Variants in PTPRN2 observed in about 807,000 individuals in gnomAD.
PTPRN2 encodes receptor-type tyrosine-protein phosphatase N2.
A neutral mutation model predicts 118.8 loss-of-function variants in PTPRN2; 74 were observed. That is an observed-to-expected ratio of 0.62 (90% CI 0.52 to 0.76). The LOEUF is 0.76. Ranked by LOEUF, PTPRN2 falls within the 30% of genes least tolerant of loss-of-function variation. PTPRN2 has a pLI of 0.00. For synonymous variants in PTPRN2, 641 were observed against 608.0 expected (o/e 1.05, Z -0.80); for missense variants, 1,481 against 1,394.4 (o/e 1.06, Z -0.99).
intron 12 of PTPRN2, among the ~76,000 whole-genome samples, chr7:157,751,892 A>G (rs1185882551): frequency 1.3e-5 from 2 of 152,044 alleles, no homozygotes. Flanking sequence ...GACCACCGTG[A>G]ACACATCTCC....
chr7:157,853,118 A>G (rs914709433), intron 12 of PTPRN2, among the ~76,000 whole-genome samples: 1 of 152,040 alleles, frequency 6.6e-6, no homozygotes, highest in African/African-American at 2.4e-5. Flanking sequence ...TCTTTCTTGT[A>G]CTCACACGGA....
chr7:157,908,321 T>C (rs1024526479), intron 11 of PTPRN2, among the ~76,000 whole-genome samples: 2 of 152,262 alleles, frequency 1.3e-5, no homozygotes, highest in African/African-American at 4.8e-5. Context: ...GCCTGCATTC[T>C]GTGGAAGCCA....
At chr7:157,992,713 C>G (rs1373828340) in intron 11 of PTPRN2, among the ~76,000 whole-genome samples, 1 of 152,240 alleles carries the variant, frequency 6.6e-6, no homozygotes, top group African/African-American at 2.4e-5. Context: ...GGGGGTCACA[C>G]TCCACCAGGA....
rs142085972 is a variant in PTPRN2 at position 158,267,602 on chromosome 7, C to T, written c.277+49217G>A. Among the ~76,000 whole-genome samples the T allele has an allele frequency of 3.7e-4, 56 of 152,290 alleles. 1 individual carries two copies. The highest frequency in any genetic ancestry group is 1.2e-3 in the African/African-American group (49 of 41,568). On this transcript the variant is annotated intron_variant, in intron 3 of 22. Coordinates refer to ENST00000389418, the MANE Select transcript of PTPRN2 (RefSeq NM_002847.5). ...TGACTGAGCATCTGAGCGGGATCAC[C>T]GTGGCCTGGGGGCCTGCCCCTCGCC...
intron 14 of PTPRN2, among the ~76,000 whole-genome samples, chr7:157,653,847 CA>C (rs1326506642): frequency 6.8e-6 from 1 of 147,436 alleles, no homozygotes; most frequent in Non-Finnish European, 1.5e-5. Context: ...CCACTCCCCA[CA>C]CCCACCCCGA....
chr7:158,276,343 C>T (rs1392315580), intron 3 of PTPRN2, among the ~76,000 whole-genome samples: 4 of 52,168 alleles, frequency 7.7e-5, no homozygotes, highest in Admixed American at 2.0e-4. Flanking sequence ...CGCACCCCGG[C>T]CCCGACAGGC....
chr7:158,299,508 G>C (rs1157674207), intron 3 of PTPRN2, among the ~76,000 whole-genome samples: 1 of 152,144 alleles, frequency 6.6e-6, no homozygotes, highest in Non-Finnish European at 1.5e-5. Context: ...ATGTTGGCCA[G>C]GCTGGTCGTA....
In PTPRN2 at chr7:157,598,768, A is replaced by G. The variant is rs144214187; in HGVS notation, c.2419-3453T>C. On this transcript the variant is annotated intron_variant, in intron 16 of 22. Transcript: ENST00000389418. The surrounding 1 kb of genome is among the most constrained non-coding windows in gnomAD (Gnocchi z 5.2). Reference sequence around the variant, plus strand: ...CTGTCCTCAGTGAACCACAGAAGGAAGGAAGGATGCTGCTTCCTCAAGCAC... The same window carrying G: ...CTGTCCTCAGTGAACCACAGAAGGAGGGAAGGATGCTGCTTCCTCAAGCAC... Among the ~76,000 whole-genome samples the G allele has an allele frequency of 8.3e-3, 1,263 of 152,342 alleles. 17 individuals carry two copies. The highest frequency in any genetic ancestry group is 0.029 in the African/African-American group (1,205 of 41,578).
At chr7:158,294,506 T>C (rs1411382178) in intron 3 of PTPRN2, among the ~76,000 whole-genome samples, 2 of 152,186 alleles carry the variant, frequency 1.3e-5, no homozygotes, top group Non-Finnish European at 2.9e-5. Context: ...ATTTCTTCCA[T>C]CTACTCATTT....
At chr7:158,433,644 A>T (rs769376230) in intron 2 of PTPRN2, among the ~76,000 whole-genome samples, 1 of 152,206 alleles carries the variant, frequency 6.6e-6, no homozygotes, top group Non-Finnish European at 1.5e-5. Context: ...CTTTTAAAGA[A>T]GCAATGATTG....
rs1190549370 is a variant in PTPRN2 at position 157,627,290 on chromosome 7, G to A, written c.2197-5781C>T. On this transcript the variant is annotated intron_variant, in intron 14 of 22. Transcript: ENST00000389418. The surrounding 1 kb of genome is among the most constrained non-coding windows in gnomAD (Gnocchi z 4.2). ...GGCTCTCCGTCAGTGCCTCTGAGTT[G>A]AAGCTTTATGAAGAAAGCTCTAGAA... is the stretch of plus-strand genomic sequence containing the variant. Among the ~76,000 whole-genome samples, 2 of 152,232 alleles carry A rather than the reference G, an allele frequency of 1.3e-5. No homozygotes were observed. Among genetic ancestry groups the A allele is most frequent in the Non-Finnish European group, 2.9e-5 (2 of 68,044 alleles).
intron 1 of PTPRN2, among the ~76,000 whole-genome samples, chr7:158,584,149 A>G (rs1173285705): frequency 6.6e-6 from 1 of 152,190 alleles, no homozygotes; most frequent in Non-Finnish European, 1.5e-5. Context: ...GGATTCTCGA[A>G]GCAAAATCTG....
chr7:158,266,759 A>C (rs979330219), intron 3 of PTPRN2, among the ~76,000 whole-genome samples: 1 of 152,264 alleles, frequency 6.6e-6, no homozygotes. Context: ...GATTGAATTC[A>C]GTCTGATAAA....
At chr7:158,431,906 C>T (rs1329919704) in intron 2 of PTPRN2, among the ~76,000 whole-genome samples, 5 of 152,258 alleles carry the variant, frequency 3.3e-5, no homozygotes, top group South Asian at 2.1e-4. Flanking sequence ...GGGACCTGCT[C>T]GTCCCTCTCT....
At chr7:157,936,710 C>T (rs191976553) in intron 11 of PTPRN2, among the ~76,000 whole-genome samples, 1 of 150,872 alleles carries the variant, frequency 6.6e-6, no homozygotes, top group Non-Finnish European at 1.5e-5. Flanking sequence ...GGTCTGACAC[C>T]TCCCGTGTCT....
At chr7:157,818,505 A>G (rs1012063296) in intron 12 of PTPRN2, among the ~76,000 whole-genome samples, 7 of 146,994 alleles carry the variant, frequency 4.8e-5, no homozygotes, top group Non-Finnish European at 1.0e-4. Context: ...GGAAACGGGG[A>G]GGGACGTCTC....
In PTPRN2 at chr7:158,077,547, G is replaced by GC. The variant is rs200631965; in HGVS notation, c.1723+3750dup. ...CCCACCATTCAGGGTCAGCACAGGA[G>GC]CCCCCTATGAGCCACACCCCCACCA... is the stretch of plus-strand genomic sequence containing the variant. On this transcript the variant is annotated intron_variant, in intron 11 of 22. Coordinates refer to ENST00000389418, the MANE Select transcript of PTPRN2 (RefSeq NM_002847.5). Among the ~76,000 whole-genome samples, 39 of 27,212 alleles carry GC rather than the reference G, an allele frequency of 1.4e-3. 1 individual carries two copies. The highest frequency in any genetic ancestry group is 6.5e-3 in the Admixed American group (18 of 2,756). The allele number at this position is 27,212 out of a possible 152,430, so 17.9% of individuals were successfully genotyped here.
At chr7:158,019,403 C>T (rs371760402) in intron 11 of PTPRN2, among the ~76,000 whole-genome samples, 3 of 152,348 alleles carry the variant, frequency 2.0e-5, no homozygotes, top group Admixed American at 6.5e-5. Context: ...TTTCTGACGC[C>T]GCCTCTCTTT....
At chr7:158,406,396 G>A (rs1394166817) in intron 2 of PTPRN2, among the ~76,000 whole-genome samples, 1 of 141,342 alleles carries the variant, frequency 7.1e-6, no homozygotes, top group Admixed American at 6.9e-5. Context: ...TGAGACATGT[G>A]GCTGCACACT....
Sources: allele counts gnomAD v4.1 joint callset (sites outside exome capture counted in the v4.1 genomes callset), GRCh38; gene constraint gnomAD v4.1.1; non-coding constraint Gnocchi (gnomAD v3.1); transcripts MANE v1.5; gene names NCBI Gene and HGNC (gene_info 2026-07-23, HGNC 2026-07-21).